RNFT2: variants seen among roughly 807,000 people sequenced by gnomAD.
RNFT2 encodes E3 ubiquitin-protein ligase RNFT2.
A neutral mutation model predicts 53.0 loss-of-function variants in RNFT2; 36 were observed. The ratio of observed to expected loss-of-function variants is 0.68; its 90% CI spans 0.52 to 0.90. The LOEUF is 0.90. Among genes scored for constraint, RNFT2 ranks in the 40% least tolerant of loss-of-function variants. The pLI is 0.00. For synonymous variants in RNFT2, 260 were observed against 253.2 expected (o/e 1.03, Z -0.26); for missense variants, 514 against 585.6 (o/e 0.88, Z 1.26).
At position 116,830,919 on chromosome 12, in the gene RNFT2, A is replaced by AG. The variant is rs1414761958; in HGVS notation, c.883-2873_883-2872insG. Among the ~76,000 whole-genome samples, 7 of 152,070 alleles carry AG rather than the reference A, an allele frequency of 4.6e-5. 1 individual carries two copies. Among genetic ancestry groups the AG allele is most frequent in the East Asian group, 3.9e-4 (2 of 5,172 alleles). On this transcript the variant is annotated intron_variant, in intron 7 of 10. Coordinates refer to ENST00000257575, the MANE Select transcript of RNFT2 (RefSeq NM_001382266.1). ...CAAGACTCCGTCTCAAAAAAAAAAAAAGAGAGAGAGAGAAAGAGAGTATAG... is the reference window on the plus strand; with the variant it reads ...CAAGACTCCGTCTCAAAAAAAAAAAAGAGAGAGAGAGAGAAAGAGAGTATAG...
At chr12:116,782,037 C>T (rs960602143) in intron 7 of RNFT2, 2 of 127,838 alleles carry the variant, frequency 1.6e-5, no homozygotes, top group Non-Finnish European at 3.1e-5. Flanking sequence ...CAAGATCGCA[C>T]CACTGCACTC....
chr12:116,802,694 A>G (rs1874855988), intron 7 of RNFT2, among the ~76,000 whole-genome samples: 1 of 152,200 alleles, frequency 6.6e-6, no homozygotes, highest in Admixed American at 6.5e-5. Flanking sequence ...TTTGGGCCCA[A>G]GGAAACTAAT....
chr12:116,830,686 G>T (rs1228260822), intron 7 of RNFT2, among the ~76,000 whole-genome samples: 1 of 152,058 alleles, frequency 6.6e-6, no homozygotes, highest in Non-Finnish European at 1.5e-5. Flanking sequence ...GAAGTAGGTG[G>T]ATCACCTGTG....
chr12:116,755,833 C>T, intron 5 of RNFT2: 1 of 1,571,828 alleles, frequency 6.4e-7, no homozygotes, highest in Non-Finnish European at 8.7e-7. Context: ...GCCTAGAGAA[C>T]ATATATCGGG....
At chr12:116,800,093 AT>A (rs1400352387) in intron 7 of RNFT2, among the ~76,000 whole-genome samples, 3 of 152,308 alleles carry the variant, frequency 2.0e-5, no homozygotes, top group African/African-American at 7.2e-5. Context: ...ACCTTCTGCC[AT>A]GAGTAAAAGC....
In RNFT2 at chr12:116,836,301, G is replaced by T; in HGVS notation, c.1200+19G>T. 2 of 1,551,248 alleles carry T rather than the reference G, an allele frequency of 1.3e-6. No individual in the cohort carries two copies. Among genetic ancestry groups the T allele is most frequent in the Non-Finnish European group, 1.7e-6 (2 of 1,145,404 alleles). Reference sequence around the variant, plus strand: ...GTGCCAGGTGAGCAGGGCTCAGGCGGGACCATTGGAGACCAAGGCTGGGGG... The same window carrying T: ...GTGCCAGGTGAGCAGGGCTCAGGCGTGACCATTGGAGACCAAGGCTGGGGG... On this transcript the variant is annotated intron_variant, in intron 10 of 10. Transcript: ENST00000257575.
intron 1 of RNFT2, among the ~76,000 whole-genome samples, chr12:116,739,969 G>A (rs375987904): frequency 7.2e-5 from 11 of 152,300 alleles, no homozygotes; most frequent in African/African-American, 2.6e-4. Flanking sequence ...ACTTTGGGAG[G>A]CCAAGGCAGG....
intron 7 of RNFT2, among the ~76,000 whole-genome samples, chr12:116,806,431 T>TAGATAGATAGATAGA (rs57634837): frequency 6.6e-6 from 1 of 151,184 alleles, no homozygotes; most frequent in Admixed American, 6.6e-5. Context: ...GATAGATAGA[T>TAGATAGATAGATAGA]TCATCTAGTT....
intron 7 of RNFT2, among the ~76,000 whole-genome samples, chr12:116,831,940 G>A (rs796545112): frequency 7.3e-5 from 11 of 151,618 alleles, no homozygotes; most frequent in African/African-American, 2.4e-4. Flanking sequence ...ACCAGCCTGG[G>A]CAACATGGTG....
At chr12:116,740,235 T>C (rs906268547) in intron 1 of RNFT2, 110 bp from the exon 2 acceptor site, 7 of 384,930 alleles carry the variant, frequency 1.8e-5, no homozygotes, top group Admixed American at 7.4e-5. Context: ...TACCCAGAGA[T>C]ACTGAGCAGA....
At chr12:116,841,042 A>G (rs1213589699) in intron 10 of RNFT2, among the ~76,000 whole-genome samples, 5 of 152,174 alleles carry the variant, frequency 3.3e-5, no homozygotes, top group Admixed American at 1.3e-4. Context: ...AAGGGTTTTC[A>G]CTACAAAGTC....
chr12:116,794,173 G>A (rs1230195028), intron 7 of RNFT2, among the ~76,000 whole-genome samples: 2 of 152,138 alleles, frequency 1.3e-5, no homozygotes, highest in East Asian at 3.9e-4. Context: ...GCTGAGGTGG[G>A]AAGATTGCTT....
At chr12:116,838,687 C>T (rs1396651357) in intron 10 of RNFT2, among the ~76,000 whole-genome samples, 1 of 152,196 alleles carries the variant, frequency 6.6e-6, no homozygotes, top group Non-Finnish European at 1.5e-5. Flanking sequence ...ATCTGTAGTT[C>T]CTTCTTGGTA....
chr12:116,763,892 T>A (rs1872801051), intron 5 of RNFT2, among the ~76,000 whole-genome samples: 1 of 151,870 alleles, frequency 6.6e-6, no homozygotes, highest in African/African-American at 2.4e-5. Context: ...ACGAAAAAAA[T>A]ACTTACATAC....
chr12:116,799,970 A>G (rs757679050), intron 7 of RNFT2, among the ~76,000 whole-genome samples: 8 of 152,162 alleles, frequency 5.3e-5, no homozygotes, highest in Non-Finnish European at 1.2e-4. Flanking sequence ...TACCCTCCCC[A>G]AGGTGATGAG....
intron 7 of RNFT2, among the ~76,000 whole-genome samples, chr12:116,818,032 C>T (rs1006425352): frequency 3.9e-5 from 6 of 152,144 alleles, no homozygotes; most frequent in Non-Finnish European, 7.3e-5. Flanking sequence ...TTTAGGGAAA[C>T]GGGAAAGGGC....
At position 116,771,482 on chromosome 12, in the gene RNFT2, A is replaced by ATAT. The variant is rs1217469321; in HGVS notation, c.728+4568_728+4569insTAT. 8.5e-5 allele frequency among the ~76,000 whole-genome samples: 10 copies of ATAT among 117,776 alleles called. No individual in the cohort carries two copies. The South Asian group carries it at 1.2e-3, about 14-fold the overall frequency. The allele number at this position is 117,776 out of a possible 152,430, so 77.3% of individuals were successfully genotyped here. On this transcript the variant is annotated intron_variant, in intron 6 of 10. Transcript: ENST00000257575. ...CGTTAAAAAAAAAAAAAAAAAAAAAAAAAAAAAAAAAAATACGTATATGAG... is the reference window on the plus strand; with the variant it reads ...CGTTAAAAAAAAAAAAAAAAAAAAAATATAAAAAAAAAAAAATACGTATATGAG...
intron 6 of RNFT2, among the ~76,000 whole-genome samples, chr12:116,767,769 A>C (rs140087125): frequency 6.6e-6 from 1 of 151,024 alleles, no homozygotes; most frequent in Non-Finnish European, 1.5e-5. Flanking sequence ...TAGTAGAGAC[A>C]GGGTTTCACC....
chr12:116,812,143 A>T (rs1475375875), intron 7 of RNFT2, among the ~76,000 whole-genome samples: 2 of 152,162 alleles, frequency 1.3e-5, no homozygotes, highest in African/African-American at 4.8e-5. Context: ...CCCTGACTTC[A>T]AGGGGCTGAT....
Sources: gnomAD v4.1 joint callset for allele counts (sites outside exome capture counted in the v4.1 genomes callset) on GRCh38, gnomAD v4.1.1 for gene constraint, MANE v1.5 for transcripts, NCBI Gene and HGNC (gene_info 2026-07-23, HGNC 2026-07-21) for gene names.